Variants in SASH1 observed in about 807,000 individuals in gnomAD.
The protein encoded by SASH1 is SAM and SH3 domain-containing protein 1.
A neutral mutation model predicts 125.2 loss-of-function variants in SASH1; 44 were observed. The observed-to-expected ratio is 0.35, with a 90% CI of 0.28 to 0.45. SASH1 has a LOEUF of 0.45. Ranked by LOEUF, SASH1 falls within the 20% of genes least tolerant of loss-of-function variation. The pLI is 1.00. For missense variants in SASH1, 1,426 were observed against 1,614.5 expected, an observed-to-expected ratio of 0.88 and a Z score of 2.00; for synonymous variants, 639 against 649.1, an observed-to-expected ratio of 0.98 and a Z score of 0.24.
intron 8 of SASH1, chr6:148,508,584 T>C (rs768210000): frequency 1.6e-5 from 18 of 1,134,872 alleles, no homozygotes; most frequent in Non-Finnish European, 1.7e-5. Flanking sequence ...TGATGACTTA[T>C]GCCTTTCTTG....
chr6:148,377,149 G>T (rs1227564691), intron 1 of SASH1, among the ~76,000 whole-genome samples: 1 of 119,060 alleles, frequency 8.4e-6, no homozygotes, highest in Non-Finnish European at 1.6e-5. Context: ...CAGCCTGGGC[G>T]ACAGAGCGAG....
rs896313447 is a variant in SASH1 at position 148,534,678 on chromosome 6, G to A, written c.1945-73G>A. 1.2e-5 allele frequency: 17 copies of A among 1,436,658 alleles called. No homozygotes were observed. The African/African-American group carries it at 2.0e-4, about 17-fold the overall frequency. The allele number at this position is 1,436,658 out of a possible 1,614,324, so 89.0% of individuals were successfully genotyped here. On this transcript the variant is annotated intron_variant, in intron 15 of 19. Coordinates refer to ENST00000367467, the MANE Select transcript of SASH1 (RefSeq NM_015278.5). ...CTATGGGAACAGTGTGTGGGTTGCA[G>A]GCTAGTTGTTGGCGGTGTTATCATG...
At position 148,544,738 on chromosome 6, in the gene SASH1, G is replaced by C. The variant is rs778347430; in HGVS notation, c.3268G>C (p.Gly1090Arg). ...ALTRKVSCAR[G>R]VDLETLTENK... Reference sequence around the variant, plus strand: ...GACCAGGAAGGTCTCCTGTGCCCGGGGAGTGGATCTAGAAACGCTCACTGA... The same window carrying C: ...GACCAGGAAGGTCTCCTGTGCCCGGCGAGTGGATCTAGAAACGCTCACTGA... Residue 1090 changes from glycine (G) to arginine (R), a missense_variant, in exon 18 of 20, where the codon GGA becomes CGA. Transcript: ENST00000367467. This position sits in a 1 kb window ranked among gnomAD's most constrained non-coding sequence, Gnocchi z 6.4. The C allele has an allele frequency of 6.2e-7, 1 of 1,608,276 alleles. No homozygotes were observed. Among genetic ancestry groups the C allele is most frequent in the Non-Finnish European group, 8.5e-7 (1 of 1,177,242 alleles).
chr6:148,228,794 C>T, the SASH1 span, among the ~76,000 whole-genome samples: 1 of 152,004 alleles, frequency 6.6e-6, no homozygotes, highest in African/African-American at 2.4e-5. Flanking sequence ...GTTTGTAGTA[C>T]AAAGCAGGTA....
chr6:148,387,354 A>G (rs1006298103), intron 1 of SASH1, among the ~76,000 whole-genome samples: 1 of 151,482 alleles, frequency 6.6e-6, no homozygotes, highest in Admixed American at 6.6e-5. Flanking sequence ...TGCTGACCTC[A>G]TGATCCACCT....
chr6:148,355,071 T>C (rs1781878455), intron 1 of SASH1, among the ~76,000 whole-genome samples: 1 of 152,222 alleles, frequency 6.6e-6, no homozygotes, highest in Non-Finnish European at 1.5e-5. Context: ...ACTTGCCACT[T>C]ACATAAATTG....
intron 8 of SASH1, chr6:148,513,552 T>C (rs1217956208): frequency 3.0e-6 from 3 of 985,470 alleles, no homozygotes; most frequent in Non-Finnish European, 3.6e-6. Flanking sequence ...CAGAGAGAGA[T>C]ATTTTTCCCT....
At chr6:148,226,417 A>G in the SASH1 span, among the ~76,000 whole-genome samples, 2 of 152,208 alleles carry the variant, frequency 1.3e-5, no homozygotes, top group Non-Finnish European at 2.9e-5. Flanking sequence ...ATGCATGCCT[A>G]CATACACATT....
intron 1 of SASH1, among the ~76,000 whole-genome samples, chr6:148,377,523 T>C (rs1782961744): frequency 6.6e-6 from 1 of 152,228 alleles, no homozygotes. Context: ...ATGTTAAAAA[T>C]TATCAGCAAT....
chr6:148,362,176 C>G (rs965290893), intron 1 of SASH1, among the ~76,000 whole-genome samples: 1 of 151,450 alleles, frequency 6.6e-6, no homozygotes, highest in Non-Finnish European at 1.5e-5. Flanking sequence ...ATCCGCCCAC[C>G]TTGGCCTCCC....
chr6:148,517,820 A>G (rs1440641957), intron 9 of SASH1, among the ~76,000 whole-genome samples: 2 of 152,232 alleles, frequency 1.3e-5, no homozygotes, highest in African/African-American at 4.8e-5. Context: ...AAATGTCCAA[A>G]GCAACTGCTG....
intron 2 of SASH1, among the ~76,000 whole-genome samples, chr6:148,414,791 G>A (rs1784759049): frequency 6.6e-6 from 1 of 152,056 alleles, no homozygotes; most frequent in Admixed American, 6.6e-5. Flanking sequence ...TCAGCCTCCT[G>A]AGTAACTGGG....
intron 1 of SASH1, among the ~76,000 whole-genome samples, chr6:148,317,373 C>A (rs1485906282): frequency 6.6e-6 from 1 of 152,124 alleles, no homozygotes; most frequent in Non-Finnish European, 1.5e-5. Context: ...AGAAGTGGTT[C>A]CTGAATATTT....
intron 8 of SASH1, among the ~76,000 whole-genome samples, chr6:148,507,708 C>T (rs899695780): frequency 5.3e-5 from 8 of 152,262 alleles, no homozygotes; most frequent in Non-Finnish European, 1.2e-4. Context: ...AAACTTCTGC[C>T]ATTTTAAGGA....
intron 1 of SASH1, 26 bp from the exon 2 acceptor site, chr6:148,390,108 C>T: frequency 6.2e-7 from 1 of 1,611,068 alleles, no homozygotes; most frequent in Non-Finnish European, 8.5e-7. Flanking sequence ...ACTGACCTGA[C>T]CGCCTTTGTT....
rs541962909 is a variant in SASH1, at chr6:148,540,437, C to T, written c.2096-6C>T. ...TGTTGATTTCATGCCGTGTTCTCTCCTCTAGGTAACAGCGACCAGTCAGGA... is the reference window on the plus strand; with the variant it reads ...TGTTGATTTCATGCCGTGTTCTCTCTTCTAGGTAACAGCGACCAGTCAGGA... On this transcript the variant is annotated splice_region_variant and splice_polypyrimidine_tract_variant and intron_variant, in intron 16 of 19. Coordinates refer to ENST00000367467, the MANE Select transcript of SASH1 (RefSeq NM_015278.5). The T allele has an allele frequency of 1.2e-6, 2 of 1,611,814 alleles. No individual in the cohort carries two copies. The highest frequency in any genetic ancestry group is 1.1e-5 in the South Asian group (1 of 90,916).
chr6:148,426,319 T>TG (rs1422509147), intron 2 of SASH1, among the ~76,000 whole-genome samples: 22 of 152,014 alleles, frequency 1.4e-4, no homozygotes, highest in African/African-American at 5.3e-4. Context: ...GGGACCGCTG[T>TG]GGGGAAAGGG....
At chr6:148,548,044 C>G (rs1007971448) in intron 19 of SASH1, among the ~76,000 whole-genome samples, 1 of 152,188 alleles carries the variant, frequency 6.6e-6, no homozygotes, top group African/African-American at 2.4e-5. Flanking sequence ...TTTGAAGACT[C>G]GGACACATAA....
the SASH1 span, among the ~76,000 whole-genome samples, chr6:148,265,361 G>A: frequency 6.8e-6 from 1 of 147,624 alleles, no homozygotes; most frequent in East Asian, 2.1e-4. Flanking sequence ...GGGAAGGAGG[G>A]ACGGAGGGAG....
Sources: allele counts gnomAD v4.1 joint callset (sites outside exome capture counted in the v4.1 genomes callset), GRCh38; gene constraint gnomAD v4.1.1; non-coding constraint Gnocchi (gnomAD v3.1); transcripts MANE v1.5; gene names NCBI Gene and HGNC (gene_info 2026-07-23, HGNC 2026-07-21).